ASIC3: variants seen among roughly 807,000 people sequenced by gnomAD.
The protein encoded by ASIC3 is acid-sensing ion channel 3.
A neutral mutation model predicts 58.6 loss-of-function variants in ASIC3; 46 were observed. The observed-to-expected ratio is 0.79, with a 90% CI of 0.62 to 1.00. ASIC3 has a LOEUF of 1.00. Ranked by LOEUF, ASIC3 falls within the 50% of genes least tolerant of loss-of-function variation. ASIC3 has a pLI of 0.00. For synonymous variants in ASIC3, 336 were observed against 300.2 expected (o/e 1.12, Z -1.23); for missense variants, 770 against 735.0 (o/e 1.05, Z -0.55).
At position 151,049,193 on chromosome 7, in the gene ASIC3, C is replaced by T. The variant is rs200735941; in HGVS notation, c.308C>T (p.Thr103Met). ...AACCCACTGCGCCGCTCGCGCCTAA[C>T]GCCCAACGACCTGCACTGGGCTGGG... Reference protein sequence around the residue: ...NINPLRRSRLTPNDLHWAGSA... With the variant: ...NINPLRRSRLMPNDLHWAGSA... The change falls in exon 1 of 11, where the codon ACG becomes ATG. Residue 103 changes from threonine (T) to methionine (M), a missense_variant. Thr to Met is a moderately conservative substitution (Grantham distance 81). Coordinates refer to ENST00000349064, the MANE Select transcript of ASIC3 (RefSeq NM_004769.4). 59 of 1,613,494 alleles carry T rather than the reference C, an allele frequency of 3.7e-5. No individual in the cohort carries two copies. The highest frequency in any genetic ancestry group is 2.4e-4 in the African/African-American group (18 of 75,050).
chr7:151,049,962 C>G (rs909926819), intron 1 of ASIC3, 144 bp from the exon 2 acceptor site: 5 of 1,075,442 alleles, frequency 4.6e-6, no homozygotes, highest in Non-Finnish European at 6.8e-6. Flanking sequence ...CAACATGTGC[C>G]CACTGGAGCG....
Position 151,050,217 on chromosome 7 carries a change from G to A in ASIC3, c.646G>A (p.Val216Met), listed in dbSNP as rs757151006. 1.7e-5 allele frequency: 28 copies of A among 1,613,944 alleles called. No homozygotes were observed. The highest frequency in any genetic ancestry group is 1.0e-4 in the Admixed American group (6 of 60,006). The change falls in exon 2 of 11, where the codon GTG becomes ATG. Residue 216 changes from valine (V) to methionine (M), a missense_variant. Physicochemically the swap from Val to Met is conservative, Grantham distance 21 (BLOSUM62 1). Coordinates refer to ENST00000349064, the MANE Select transcript of ASIC3 (RefSeq NM_004769.4). ...CAATGGGCTGGACATCATGCTGGAC[G>A]TGCAGCAGGAGGAATATCTACCTGT... ...MGNGLDIMLD[V>M]QQEEYLPVWR...
chr7:151,051,901 G>GGT lies in ASIC3; in HGVS notation c.1306+8_1306+9dup. The GGT allele has an allele frequency of 1.2e-6, 2 of 1,613,842 alleles. No individual in the cohort carries two copies. The highest frequency in any genetic ancestry group is 2.2e-5 in the East Asian group (1 of 44,840). Reference sequence around the variant, plus strand: ...GGCCTATGAGATGTCAGAGCTGCTTGGTGTGTGTGCAGGGCCCCCAGGGCT... The same window carrying GGT: ...GGCCTATGAGATGTCAGAGCTGCTTGGTGTGTGTGTGCAGGGCCCCCAGGGCT... On this transcript the variant is annotated frameshift_variant and splice_region_variant. Coordinates refer to ENST00000349064, the MANE Select transcript of ASIC3 (RefSeq NM_004769.4). LOFTEE classifies it high-confidence loss of function.
At position 151,048,723 on chromosome 7, in the gene ASIC3, A is replaced by G; in HGVS notation, c.-163A>G. ...CCAGATCACCTCCTCCAATCCTGCC[A>G]GGCTAGTGCCTCCCTGCCTTCCAAC... On this transcript the variant is annotated 5_prime_UTR_variant, in exon 1 of 11. Transcript: ENST00000349064. 1 of 837,014 alleles carries G rather than the reference A, an allele frequency of 1.2e-6. No homozygotes were observed. The highest frequency in any genetic ancestry group is 1.9e-6 in the Non-Finnish European group (1 of 534,100). 51.8% of individuals were successfully genotyped at this position (837,014 alleles called of 1,614,324 possible).
chr7:151,048,696 G>C lies in ASIC3; in HGVS notation c.-190G>C, dbSNP rs1037682857. ...CGGGAAGGAACAGTGGGACCTGACC[G>C]GCCAGATCACCTCCTCCAATCCTGC... On this transcript the variant is annotated 5_prime_UTR_variant, in exon 1 of 11. Coordinates refer to ENST00000349064, the MANE Select transcript of ASIC3 (RefSeq NM_004769.4). The C allele has an allele frequency of 1.5e-5, 10 of 675,080 alleles. No individual in the cohort carries two copies. Among genetic ancestry groups the C allele is most frequent in the Non-Finnish European group, 2.5e-5 (10 of 405,014 alleles). The allele number at this position is 675,080 out of a possible 1,614,324, so 41.8% of individuals were successfully genotyped here.
chr7:151,051,371 G>T, intron 6 of ASIC3, 52 bp downstream of exon 6: 1 of 1,424,820 alleles, frequency 7.0e-7, no homozygotes, highest in Non-Finnish European at 9.1e-7. Flanking sequence ...TCCCGACGGG[G>T]CGGAACGGGG....
At chr7:151,051,757 C>T in intron 6 of ASIC3, 53 bp from the exon 7 acceptor site, 3 of 1,573,090 alleles carry the variant, frequency 1.9e-6, no homozygotes, top group East Asian at 2.2e-5. Context: ...TTCTTGCCAG[C>T]AGTGGGCACC....
Position 151,052,043 on chromosome 7 carries a change from T to A in ASIC3, c.1367T>A (p.Ile456Asn), listed in dbSNP as rs1168173166. The A allele has an allele frequency of 6.2e-7, 1 of 1,612,370 alleles. No homozygotes were observed. Among genetic ancestry groups the A allele is most frequent in the Non-Finnish European group, 8.5e-7 (1 of 1,179,504 alleles). Reference sequence around the variant, plus strand: ...GCCAGCCTGCTCACCATCCTCGAGATCCTAGACTACCTCTGTGAGGTGGGC... The same window carrying A: ...GCCAGCCTGCTCACCATCCTCGAGAACCTAGACTACCTCTGTGAGGTGGGC... ...IGASLLTILE[I>N]LDYLCEVFRD... Residue 456 changes from isoleucine to asparagine, a missense_variant, in exon 8 of 11, where the codon ATC (isoleucine) becomes AAC (asparagine). By Grantham distance (149) the Ile-to-Asn change is moderately radical. Transcript: ENST00000349064. This position sits in a 1 kb window ranked among gnomAD's most constrained non-coding sequence, Gnocchi z 5.0.
rs1476519370 is a variant in ASIC3, at chr7:151,051,696, T to C, written c.1215-114T>C. ...CAGGGAGTACAGGTGTGAGCCACCG[T>C]GCCCGGCCTCTCCCAGGGTTCTTGA... On this transcript the variant is annotated intron_variant, in intron 6 of 10. Transcript: ENST00000349064. 14 of 1,097,252 alleles carry C rather than the reference T, an allele frequency of 1.3e-5. No homozygotes were observed. In the Admixed American group the frequency reaches 2.6e-4, roughly 20 times the overall value. 68.0% of individuals were successfully genotyped at this position (1,097,252 alleles called of 1,614,324 possible).
At chr7:151,051,764 C>T (rs1190292218) in intron 6 of ASIC3, 46 bp from the exon 7 acceptor site, 7 of 1,592,972 alleles carry the variant, frequency 4.4e-6, no homozygotes, top group Non-Finnish European at 6.0e-6. Flanking sequence ...CAGCAGTGGG[C>T]ACCAGGCGGT....
intron 6 of ASIC3, 29 bp downstream of exon 6, chr7:151,051,348 C>A (rs767557099): frequency 4.1e-6 from 6 of 1,451,772 alleles, no homozygotes; most frequent in Non-Finnish European, 5.4e-6. Flanking sequence ...GCGGGCTCCT[C>A]CGAGCCGGGG....
chr7:151,050,547 A>G lies in ASIC3; in HGVS notation c.752A>G (p.Asp251Gly), dbSNP rs771697402. The G allele has an allele frequency of 6.4e-5, 104 of 1,613,886 alleles. No homozygotes were observed. The highest frequency in any genetic ancestry group is 3.2e-4 in the Admixed American group (19 of 59,994). ...AGCCAGGAGGAGCCGCCCATCATCG[A>G]TCAGCTGGGCTTGGGGGTGTCCCCG... ...IHSQEEPPII[D>G]QLGLGVSPGY... Residue 251 changes from aspartate to glycine, a missense_variant, in exon 3 of 11, where the codon GAT becomes GGT. Coordinates refer to ENST00000349064, the MANE Select transcript of ASIC3 (RefSeq NM_004769.4).
At chr7:151,050,669 C>T in intron 3 of ASIC3, 61 bp downstream of exon 3, 1 of 1,609,274 alleles carries the variant, frequency 6.2e-7, no homozygotes, top group Non-Finnish European at 8.5e-7. Context: ...AGACCCTAAA[C>T]CCTCAGCTCC....
chr7:151,050,622 T>C lies in ASIC3; in HGVS notation c.813+14T>C. The C allele has an allele frequency of 1.2e-6, 2 of 1,613,880 alleles. No individual in the cohort carries two copies. The highest frequency in any genetic ancestry group is 1.7e-6 in the Non-Finnish European group (2 of 1,179,852). ...CAGCAGCAGCAGGTACCCTTCCGTG[T>C]GCCTCCACACCTACTACTTCAAGCC... On this transcript the variant is annotated intron_variant, in intron 3 of 10. Coordinates refer to ENST00000349064, the MANE Select transcript of ASIC3 (RefSeq NM_004769.4).
In ASIC3 at chr7:151,051,207, A is replaced by C. The variant is rs201478022; in HGVS notation, c.1102A>C (p.Asn368His). The change falls in exon 6 of 11, where the codon AAC becomes CAC. Residue 368 changes from asparagine (N) to histidine (H), a missense_variant. Coordinates refer to ENST00000349064, the MANE Select transcript of ASIC3 (RefSeq NM_004769.4). ...TCGCAAGGACTCGTGCGCCTGCCCC[A>C]ACCCGTGCGCCAGCACGCGCTACGC... is the stretch of plus-strand genomic sequence containing the variant. ...MLRKDSCACP[N>H]PCASTRYAKE... 2.2e-4 allele frequency: 355 copies of C among 1,586,154 alleles called. No homozygotes were observed. In the African/African-American group the frequency reaches 4.3e-3, roughly 19 times the overall value.
rs772552691 is a variant in ASIC3, at chr7:151,052,372, G to A, written c.1459-44G>A. On this transcript the variant is annotated intron_variant, in intron 9 of 10. Transcript: ENST00000349064. This position sits in a 1 kb window ranked among gnomAD's most constrained non-coding sequence, Gnocchi z 5.0. ...TGCAGTGACCTCGACTGGTCCCTGG[G>A]AGGAGGACCACTCCCCACCTCTGAC... 10 of 1,613,448 alleles carry A rather than the reference G, an allele frequency of 6.2e-6. No homozygotes were observed. Among genetic ancestry groups the A allele is most frequent in the Non-Finnish European group, 8.5e-6 (10 of 1,179,824 alleles).
rs1796741193 is a variant in ASIC3, at chr7:151,050,493, T to C, written c.698T>C (p.Phe233Ser). ...PVWRDNEETPFEVGIRVQIHS... is the reference protein window; with the variant it reads ...PVWRDNEETPSEVGIRVQIHS... Reference sequence around the variant, plus strand: ...CCCTCCCCGACAGAGGAGACCCCGTTTGAGGTGGGGATCCGAGTGCAGATC... The same window carrying C: ...CCCTCCCCGACAGAGGAGACCCCGTCTGAGGTGGGGATCCGAGTGCAGATC... Residue 233 changes from phenylalanine to serine, a missense_variant, in exon 3 of 11, where the codon TTT becomes TCT. By Grantham distance (155) the Phe-to-Ser change is radical. Transcript: ENST00000349064. 1 of 1,613,788 alleles carries C rather than the reference T, an allele frequency of 6.2e-7. No homozygotes were observed. Among genetic ancestry groups the C allele is most frequent in the Non-Finnish European group, 8.5e-7 (1 of 1,179,898 alleles).
At chr7:151,051,936 T>TG (rs1796792373) in intron 7 of ASIC3, 35 bp downstream of exon 7, 1 of 1,610,460 alleles carries the variant, frequency 6.2e-7, no homozygotes, top group Non-Finnish European at 8.5e-7. Flanking sequence ...TGGGGGGGTG[T>TG]GGGCAGGCAG....
At chr7:151,049,805 C>T (rs1340982951) in intron 1 of ASIC3, among the ~76,000 whole-genome samples, 1 of 152,310 alleles carries the variant, frequency 6.6e-6, no homozygotes, top group East Asian at 1.9e-4. Context: ...CAACATACTG[C>T]CAGCCCCGGA....
Sources: gnomAD v4.1 joint callset for allele counts (sites outside exome capture counted in the v4.1 genomes callset) on GRCh38, gnomAD v4.1.1 for gene constraint, Gnocchi (gnomAD v3.1) non-coding constraint, MANE v1.5 for transcripts, NCBI Gene and HGNC (gene_info 2026-07-23, HGNC 2026-07-21) for gene names.